NEB: variants seen among roughly 807,000 people sequenced by gnomAD.
NEB encodes the protein nemaline myopathy type 2.
A neutral mutation model predicts 952.2 loss-of-function variants in NEB; 512 were observed. That is an observed-to-expected ratio of 0.54 (90% CI 0.50 to 0.58). The LOEUF is 0.58. NEB is among the 20% of genes least tolerant of loss of function. The probability of loss-of-function intolerance (pLI) is 0.00; values close to 1 mark genes in which losing one functional copy is unlikely to be tolerated. For missense variants in NEB, 8,428 were observed against 9,231.1 expected (o/e 0.91, Z 3.56); for synonymous variants, 2,900 against 3,149.8 (o/e 0.92, Z 2.66).
chr2:151,544,391 A>C (rs1255858366), intron 135 of NEB, among the ~76,000 whole-genome samples: 1 of 152,196 alleles, frequency 6.6e-6, no homozygotes, highest in African/African-American at 2.4e-5. Context: ...CACAGGCTAC[A>C]TATTATTAAA....
intron 33 of NEB, 42 bp from the exon 34 acceptor site, chr2:151,677,813 G>C: frequency 6.2e-7 from 1 of 1,611,226 alleles, no homozygotes; most frequent in African/African-American, 1.3e-5. Flanking sequence ...CTAGGACAGG[G>C]TTCTTTTCAT....
In NEB at chr2:151,548,337, C is replaced by T. The variant is rs199890298; in HGVS notation, c.20128G>A (p.Val6710Ile). Residue 6710 changes from valine (V) to isoleucine (I), a missense_variant, in exon 131 of 182, where the codon GTC (valine) becomes ATC (isoleucine). Val to Ile is a conservative substitution (Grantham distance 29, BLOSUM62 3). Around this residue, in one of 11 missense-constraint regions of NEB, gnomAD observed 3,374 missense variants for 3,651.5 expected, o/e 0.92. Transcript: ENST00000397345. ...CTGGTAACATTGTTGACTCTCCGGA[C>T]GTGGACAAATGGAACATCTTTGGGG... ...LGPKDVPFVH[V>I]RRVNNVTSER... 965 of 1,613,448 alleles carry T rather than the reference C, an allele frequency of 6.0e-4. 1 individual carries two copies. Among genetic ancestry groups the T allele is most frequent in the Admixed American group, 2.9e-3 (172 of 60,004 alleles).
At chr2:151,506,107 C>A in intron 164 of NEB, 59 bp downstream of exon 164, 1 of 1,388,058 alleles carries the variant, frequency 7.2e-7, no homozygotes, top group South Asian at 1.2e-5. Context: ...ACTCATAGGT[C>A]ATTGTAAATT....
intron 64 of NEB, among the ~76,000 whole-genome samples, chr2:151,634,906 C>T (rs2098727904): frequency 6.6e-6 from 1 of 152,138 alleles, no homozygotes; most frequent in Non-Finnish European, 1.5e-5. Flanking sequence ...TTTTATTATT[C>T]ATGTCCAATG....
intron 58 of NEB, 22 bp downstream of exon 58, chr2:151,643,128 C>T (rs1293387209): frequency 6.3e-7 from 1 of 1,592,804 alleles, no homozygotes; most frequent in Non-Finnish European, 8.6e-7. Context: ...TAATAACCTC[C>T]TCAAACAAAC....
intron 29 of NEB, among the ~76,000 whole-genome samples, chr2:151,681,064 CCAGA>C (rs1232872926): frequency 6.6e-6 from 1 of 152,130 alleles, no homozygotes; most frequent in African/African-American, 2.4e-5. Flanking sequence ...CTCTCAGGAA[CCAGA>C]CAGACTCCTT....
rs776379234 is a variant in NEB at position 151,512,764 on chromosome 2, T to C, written c.23315A>G (p.His7772Arg). ...TSVVDTPEII[H>R]AQQVKNLSSQ... ...TGAAAGATTCTTGACTTGTTGGGCA[T>C]GAATGATCTCTGGAGTATCAACCAC... The change falls in exon 161 of 182, where the codon CAT becomes CGT. Residue 7772 changes from histidine to arginine, a missense_variant. Physicochemically the swap from His to Arg is conservative, Grantham distance 29. Transcript: ENST00000397345. 3.1e-6 allele frequency: 5 copies of C among 1,613,888 alleles called. No homozygotes were observed. In the South Asian group the frequency reaches 3.3e-5, roughly 11 times the overall value.
At chr2:151,554,503 T>G (rs1187614764) in intron 125 of NEB, among the ~76,000 whole-genome samples, 4 of 152,150 alleles carry the variant, frequency 2.6e-5, no homozygotes, top group Non-Finnish European at 4.4e-5. Context: ...AGGCTTGCAG[T>G]GAGCTGTGAT....
In NEB at chr2:151,551,815, C is replaced by T. The variant is rs1370529416; in HGVS notation, c.19867G>A (p.Val6623Ile). The T allele has an allele frequency of 1.2e-6, 2 of 1,613,304 alleles. No individual in the cohort carries two copies. The highest frequency in any genetic ancestry group is 1.3e-5 in the African/African-American group (1 of 75,012). ...GTAGTTGGAGCCACTTTGCCTCTGA[C>T]ACTGTGCACATAGTCATAGTGGTAG... ...AVYHYDYVHS[V>I]RGKVAPTTKT... Residue 6623 changes from valine (V) to isoleucine (I), a missense_variant, in exon 129 of 182, where the codon GTC becomes ATC. This residue lies in a region of NEB where 3,374 missense variants were observed against 3,651.5 expected (regional missense o/e 0.92). Coordinates refer to ENST00000397345, the MANE Select transcript of NEB (RefSeq NM_001164508.2).
intron 138 of NEB, among the ~76,000 whole-genome samples, chr2:151,539,592 G>A (rs893992236): frequency 4.6e-5 from 7 of 152,136 alleles, no homozygotes; most frequent in African/African-American, 1.7e-4. Flanking sequence ...GTGTGGCTCT[G>A]GTAATGGGTA....
At chr2:151,550,371 T>C (rs1294323619) in intron 129 of NEB, among the ~76,000 whole-genome samples, 6 of 151,046 alleles carry the variant, frequency 4.0e-5, no homozygotes, top group South Asian at 2.1e-4. Flanking sequence ...GCAGAGAAGA[T>C]AGGTAACCAA....
chr2:151,722,126 G>C (rs75346830), intron 9 of NEB, among the ~76,000 whole-genome samples: 1 of 152,166 alleles, frequency 6.6e-6, no homozygotes. Flanking sequence ...GTCTGAACTG[G>C]CTTACTAAGT....
Position 151,727,703 on chromosome 2 carries a change from A to T in NEB, c.282T>A (p.Asp94Glu), listed in dbSNP as rs967516240. ...PYIAHSQKMQDLFSPNKYKEK... is the reference protein window; with the variant it reads ...PYIAHSQKMQELFSPNKYKEK... The stretch of plus-strand genomic sequence containing the variant: ...GTTTGAAACTTACTGGGCTAAAAAG[A>T]TCCTGCATTTTCTGACTGTGTGCAA... Residue 94 changes from aspartate (D) to glutamate (E), a missense_variant, in exon 5 of 182, where the codon GAT becomes GAA. Physicochemically the swap from Asp to Glu is conservative, Grantham distance 45. This residue lies in a region of NEB where 2,851 missense variants were observed against 2,791.5 expected (regional missense o/e 1.02). Coordinates refer to ENST00000397345, the MANE Select transcript of NEB (RefSeq NM_001164508.2). The T allele has an allele frequency of 6.2e-7, 1 of 1,612,610 alleles. No homozygotes were observed. Among genetic ancestry groups the T allele is most frequent in the African/African-American group, 1.3e-5 (1 of 74,894 alleles).
intron 105 of NEB, 137 bp from the exon 106 acceptor site, chr2:151,576,491 T>A (rs1421657093): frequency 2.4e-5 from 1 of 42,552 alleles, no homozygotes; most frequent in East Asian, 6.2e-4. Context: ...AATACATATA[T>A]ATATATATAT....
At chr2:151,539,248 T>C (rs1430103716) in intron 138 of NEB, among the ~76,000 whole-genome samples, 1 of 152,166 alleles carries the variant, frequency 6.6e-6, no homozygotes, top group Non-Finnish European at 1.5e-5. Context: ...GAAGTGATAA[T>C]GATGAAGGAT....
In NEB at chr2:151,686,818, A is replaced by C. The variant is rs1178417513; in HGVS notation, c.2637+601T>G. 1.3e-5 allele frequency among the ~76,000 whole-genome samples: 2 copies of C among 152,210 alleles called. 1 individual carries two copies. Among genetic ancestry groups the C allele is most frequent in the Non-Finnish European group, 2.9e-5 (2 of 68,028 alleles). ...TTTGTCTCTCTGTAGTAAGAATTTT[A>C]ACTGCAAAATGTTACATGGCCCATA... On this transcript the variant is annotated intron_variant, in intron 27 of 181. Transcript: ENST00000397345.
At chr2:151,560,884 G>T (rs2095994941) in intron 123 of NEB, 120 bp downstream of exon 123, 6 of 773,528 alleles carry the variant, frequency 7.8e-6, no homozygotes, top group South Asian at 5.8e-5. Context: ...AAGATTGAAG[G>T]TCCAGGAAAA....
intron 81 of NEB, among the ~76,000 whole-genome samples, chr2:151,609,460 A>C (rs2097852128): frequency 6.6e-6 from 1 of 152,204 alleles, no homozygotes; most frequent in Non-Finnish European, 1.5e-5. Flanking sequence ...ATATTTCAAA[A>C]AATTTTATAG....
intron 10 of NEB, 75 bp from the exon 11 acceptor site, chr2:151,710,613 T>C: frequency 1.1e-6 from 1 of 882,566 alleles, no homozygotes; most frequent in Admixed American, 2.5e-5. Context: ...TAAGAAATAA[T>C]GATTAACTTT....
Sources: gnomAD v4.1 joint callset for allele counts (sites outside exome capture counted in the v4.1 genomes callset) on GRCh38, gnomAD v4.1.1 for gene constraint, gnomAD v4.1.1 regional missense constraint, MANE v1.5 for transcripts, NCBI Gene and HGNC (gene_info 2026-07-23, HGNC 2026-07-21) for gene names.